The following SLIT3 variants were observed in gnomAD, a reference collection of about 807,000 sequenced individuals.
SLIT3 encodes the protein slit homolog 3 protein.
Under a neutral mutation model 184.0 loss-of-function variants are expected in SLIT3, and 68 were observed. The ratio of observed to expected loss-of-function variants is 0.37; its 90% confidence interval spans 0.30 to 0.45. The LOEUF is 0.45. Among genes scored for constraint, SLIT3 ranks in the 20% least tolerant of loss-of-function variants. The pLI is 1.00. For synonymous variants in SLIT3, 831 were observed against 828.6 expected, an observed-to-expected ratio of 1.00 and a Z score of -0.05; for missense variants, 1,707 against 2,026.0, an observed-to-expected ratio of 0.84 and a Z score of 3.02.
intron 4 of SLIT3, among the ~76,000 whole-genome samples, chr5:169,143,670 G>A (rs1311257854): frequency 6.6e-6 from 1 of 152,138 alleles, no homozygotes; most frequent in East Asian, 1.9e-4. Context: ...GCATTGTGGT[G>A]CATGCCTGTA....
chr5:168,803,301 T>C (rs1756834196), intron 9 of SLIT3, among the ~76,000 whole-genome samples: 1 of 152,234 alleles, frequency 6.6e-6, no homozygotes, highest in Non-Finnish European at 1.5e-5. Flanking sequence ...GGATGCTCCT[T>C]TAAACTGAAT....
chr5:169,299,771 A>C (rs1477897348), intron 1 of SLIT3, among the ~76,000 whole-genome samples: 2 of 152,196 alleles, frequency 1.3e-5, no homozygotes. Context: ...ATTCGCTGCC[A>C]AGCCCAGGAT....
intron 4 of SLIT3, among the ~76,000 whole-genome samples, chr5:168,986,104 G>A (rs1755118735): frequency 6.6e-6 from 1 of 152,148 alleles, no homozygotes; most frequent in Non-Finnish European, 1.5e-5. Flanking sequence ...AAAGGCATAT[G>A]CATTCAGTTT....
intron 14 of SLIT3, 74 bp from the exon 15 acceptor site, chr5:168,762,763 G>T: frequency 6.7e-7 from 1 of 1,493,988 alleles, no homozygotes. Flanking sequence ...GGTAGTGGGG[G>T]TGGGAGACAG....
chr5:168,751,750 C>T (rs371151839), intron 18 of SLIT3, among the ~76,000 whole-genome samples: 36 of 142,392 alleles, frequency 2.5e-4, no homozygotes, highest in South Asian at 4.4e-4. Context: ...TTTTTTGAGA[C>T]GAAGTCTCGC....
intron 4 of SLIT3, among the ~76,000 whole-genome samples, chr5:169,069,220 A>G (rs935464800): frequency 1.3e-5 from 2 of 152,244 alleles, no homozygotes; most frequent in Non-Finnish European, 2.9e-5. Context: ...TCAGTGCCTG[A>G]GAGGGGTCTG....
rs1463936448 is a variant in SLIT3, at chr5:169,261,739, C to A, written c.198-10280G>T. Among the ~76,000 whole-genome samples the A allele has an allele frequency of 2.6e-5, 4 of 152,324 alleles. No homozygotes were observed. In the East Asian group the frequency reaches 5.8e-4, roughly 22 times the overall value. The stretch of plus-strand genomic sequence containing the variant: ...TCTAAGGTGGTCCCCAGTATCAACA[C>A]CTTCCCCTCTCCTTGAGTGGGCAGA... On this transcript the variant is annotated intron_variant, in intron 1 of 35. Coordinates refer to ENST00000519560, the MANE Select transcript of SLIT3 (RefSeq NM_003062.4).
chr5:168,675,212 T>C (rs987516979), intron 32 of SLIT3, among the ~76,000 whole-genome samples: 13 of 152,096 alleles, frequency 8.5e-5, no homozygotes, highest in African/African-American at 2.9e-4. Flanking sequence ...GTATCAGGGA[T>C]ACATATGGAG....
intron 3 of SLIT3, among the ~76,000 whole-genome samples, chr5:169,209,133 T>G (rs1310558805): frequency 1.3e-5 from 2 of 152,126 alleles, no homozygotes; most frequent in Non-Finnish European, 2.9e-5. Context: ...CATCAAAAAG[T>G]AGGCGAAGGA....
chr5:168,876,064 G>A (rs1366373918), intron 5 of SLIT3, among the ~76,000 whole-genome samples: 1 of 152,156 alleles, frequency 6.6e-6, no homozygotes, highest in African/African-American at 2.4e-5. Context: ...TTTGAGACGA[G>A]AGCCAGGCAC....
chr5:169,169,463 T>A (rs1386282490), intron 4 of SLIT3, among the ~76,000 whole-genome samples: 2 of 152,188 alleles, frequency 1.3e-5, no homozygotes, highest in African/African-American at 4.8e-5. Context: ...CAGGTTTCAA[T>A]AACATAACTC....
chr5:169,176,818 G>C (rs1421762), intron 4 of SLIT3, among the ~76,000 whole-genome samples: 54,491 of 152,022 alleles, frequency 0.36, 11,304 homozygotes, highest in East Asian at 0.64. Flanking sequence ...GTCTGCCCAG[G>C]CTTGGGTTTG....
chr5:169,131,136 C>T (rs976437800), intron 4 of SLIT3, among the ~76,000 whole-genome samples: 27 of 152,218 alleles, frequency 1.8e-4, no homozygotes, highest in African/African-American at 6.5e-4. Context: ...TTAGCTCACC[C>T]ATTGGCTGCA....
intron 4 of SLIT3, among the ~76,000 whole-genome samples, chr5:168,979,601 G>C (rs1332823339): frequency 1.3e-5 from 2 of 152,196 alleles, no homozygotes; most frequent in Non-Finnish European, 2.9e-5. Flanking sequence ...CTTCAGACAA[G>C]GGCAGTGTTT....
At chr5:169,017,245 G>C (rs975706001) in intron 4 of SLIT3, among the ~76,000 whole-genome samples, 2 of 152,202 alleles carry the variant, frequency 1.3e-5, no homozygotes, top group Non-Finnish European at 2.9e-5. Flanking sequence ...GAGATAGGGA[G>C]ATCAGGCTGC....
intron 14 of SLIT3, among the ~76,000 whole-genome samples, chr5:168,769,535 T>C (rs1431954500): frequency 6.6e-6 from 1 of 152,158 alleles, no homozygotes; most frequent in East Asian, 1.9e-4. Flanking sequence ...TGGCCTCTCC[T>C]CCTTCCTAAG....
At chr5:168,943,189 C>T (rs1409901020) in intron 4 of SLIT3, among the ~76,000 whole-genome samples, 1 of 152,102 alleles carries the variant, frequency 6.6e-6, no homozygotes, top group Admixed American at 6.6e-5. Flanking sequence ...GATCAGTTTT[C>T]CTAAAGTAGG....
At chr5:169,025,961 A>G (rs1422614902) in intron 4 of SLIT3, among the ~76,000 whole-genome samples, 2 of 152,174 alleles carry the variant, frequency 1.3e-5, no homozygotes, top group Admixed American at 6.5e-5. Flanking sequence ...AGGATGCTTA[A>G]AAGGTGAGTG....
At chr5:169,113,849 T>C (rs991084293) in intron 4 of SLIT3, among the ~76,000 whole-genome samples, 1 of 151,204 alleles carries the variant, frequency 6.6e-6, no homozygotes, top group African/African-American at 2.4e-5. Context: ...AGAGGCGGGG[T>C]TTCACCATGT....
Sources: gnomAD v4.1 joint callset for allele counts (sites outside exome capture counted in the v4.1 genomes callset) on GRCh38, gnomAD v4.1.1 for gene constraint, MANE v1.5 for transcripts, NCBI Gene and HGNC (gene_info 2026-07-23, HGNC 2026-07-21) for gene names.